HS3ST1: variants seen among roughly 807,000 people sequenced by gnomAD.
HS3ST1 encodes the protein heparan sulfate glucosamine 3-O-sulfotransferase 1.
HS3ST1 carries 8 observed loss-of-function variants against 20.7 expected under a neutral mutation model. The ratio of observed to expected loss-of-function variants is 0.39; its 90% CI spans 0.23 to 0.70. The LOEUF is 0.70. Among genes scored for constraint, HS3ST1 ranks in the 30% least tolerant of loss-of-function variants. The pLI is 0.46. For missense variants in HS3ST1, 436 were observed against 423.4 expected, an observed-to-expected ratio of 1.03 and a Z score of -0.26; for synonymous variants, 205 against 190.4, an observed-to-expected ratio of 1.08 and a Z score of -0.63.
Position 11,424,292 on chromosome 4 carries a change from T to G in HS3ST1, c.-109+4407A>C, listed in dbSNP as rs142941761. Among the ~76,000 whole-genome samples the G allele has an allele frequency of 1.8e-3, 281 of 152,320 alleles. 3 individuals are homozygous for G. The highest frequency in any genetic ancestry group is 6.4e-3 in the African/African-American group (267 of 41,558). On this transcript the variant is annotated intron_variant, in intron 1 of 1. Transcript: ENST00000002596. ...CCACTGGGATCTATTTCTGTTATGT[T>G]TAGAGTATTGCTTGGAAGAATAATG...
intron 1 of HS3ST1, among the ~76,000 whole-genome samples, chr4:11,401,523 T>C (rs934914448): frequency 8.5e-5 from 13 of 152,264 alleles, no homozygotes; most frequent in Admixed American, 7.8e-4. Flanking sequence ...TTTGTATTTT[T>C]AATAGAGATG....
intron 1 of HS3ST1, among the ~76,000 whole-genome samples, chr4:11,404,863 G>T (rs552986311): frequency 2.6e-5 from 4 of 152,252 alleles, no homozygotes; most frequent in African/African-American, 7.2e-5. Flanking sequence ...TTCCACACAG[G>T]GCTTGCTGTA....
At chr4:11,424,743 A>G (rs917412854) in intron 1 of HS3ST1, among the ~76,000 whole-genome samples, 3 of 152,008 alleles carry the variant, frequency 2.0e-5, no homozygotes, top group Admixed American at 6.6e-5. Context: ...AAACACTCCA[A>G]TGTCCCTGTG....
rs559925499 is a variant in HS3ST1 at position 11,394,040 on chromosome 4, G to C, written c.*5042C>G. ...GGAAAAAAGGCAGCGCATTTCTGCC[G>C]ACTGGTTCAAAACCAGTTTTGGTCT... On this transcript the variant is annotated 3_prime_UTR_variant, in exon 2 of 2. Coordinates refer to ENST00000002596, the MANE Select transcript of HS3ST1 (RefSeq NM_005114.4). 2 of 152,302 alleles carry C rather than the reference G, an allele frequency of 1.3e-5. No individual in the cohort carries two copies. The highest frequency in any genetic ancestry group is 2.1e-4 in the South Asian group (1 of 4,826). The allele number at this position is 152,302 out of a possible 1,614,324, so 9.4% of individuals were successfully genotyped here.
At chr4:11,426,369 C>CG (rs1008624053) in intron 1 of HS3ST1, among the ~76,000 whole-genome samples, 40 of 151,562 alleles carry the variant, frequency 2.6e-4, no homozygotes, top group African/African-American at 9.0e-4. Context: ...AGAGGCCCCC[C>CG]CCCCAACCCT....
chr4:11,427,673 C>T (rs1719095647), intron 1 of HS3ST1, among the ~76,000 whole-genome samples: 1 of 152,206 alleles, frequency 6.6e-6, no homozygotes, highest in African/African-American at 2.4e-5. Flanking sequence ...CCCAAGAGAG[C>T]GCCCTGAGTG....
At chr4:11,420,536 G>A (rs547534577) in intron 1 of HS3ST1, among the ~76,000 whole-genome samples, 2 of 152,304 alleles carry the variant, frequency 1.3e-5, no homozygotes, top group South Asian at 4.1e-4. Context: ...CAGCCCTACA[G>A]TAACGAGCTT....
Position 11,399,275 on chromosome 4 carries a change from G to A in HS3ST1, c.731C>T (p.Ser244Leu), listed in dbSNP as rs769665525. 2 of 1,614,154 alleles carry A rather than the reference G, an allele frequency of 1.2e-6. No individual in the cohort carries two copies. The highest frequency in any genetic ancestry group is 1.1e-5 in the South Asian group (1 of 91,080). The change falls in exon 2 of 2, where the codon TCG (serine) becomes TTG (leucine). Residue 244 changes from serine (S) to leucine (L), a missense_variant. Transcript: ENST00000002596. The surrounding 1 kb of genome is among the most constrained non-coding windows in gnomAD (Gnocchi z 5.1). The part of the protein sequence containing the change: ...FLKLSPQINA[S>L]NFYFNKTKGF... ...CTTGGTTTTGTTAAAGTAGAAGTTC[G>A]AAGCATTGATCTGCGGCGACAGCTT...
chr4:11,400,959 A>G (rs963287250), intron 1 of HS3ST1, among the ~76,000 whole-genome samples: 2 of 152,246 alleles, frequency 1.3e-5, no homozygotes, highest in African/African-American at 4.8e-5. Context: ...ACACAGAGCC[A>G]TCCCAGCTCA....
chr4:11,432,043 G>A (rs1719215620), upstream of HS3ST1, among the ~76,000 whole-genome samples: 1 of 152,168 alleles, frequency 6.6e-6, no homozygotes, highest in South Asian at 2.1e-4. Context: ...TACCCTTCCA[G>A]TAAAAACTAG....
At chr4:11,400,221 T>C (rs1445044199) in intron 1 of HS3ST1, 108 bp from the exon 2 acceptor site, 13 of 919,466 alleles carry the variant, frequency 1.4e-5, no homozygotes, top group Non-Finnish European at 1.8e-5. Context: ...TCCCCAGGAC[T>C]CTCAGTTTCT....
At chr4:11,412,638 C>T (rs2108885716) in intron 1 of HS3ST1, among the ~76,000 whole-genome samples, 1 of 152,244 alleles carries the variant, frequency 6.6e-6, no homozygotes, top group East Asian at 1.9e-4. Flanking sequence ...TGGATAGGGT[C>T]TCTCAAACTG....
rs562117279 is a variant in HS3ST1 at position 11,411,836 on chromosome 4, G to A, written c.-108-11723C>T. Among the ~76,000 whole-genome samples, 157 of 152,282 alleles carry A rather than the reference G, an allele frequency of 1.0e-3. 1 individual carries two copies. Among genetic ancestry groups the A allele is most frequent in the Middle Eastern group, 3.4e-3 (1 of 294 alleles). ...AGATGAATTACAGGAGCTCGGAGTC[G>A]GGAGGCTGGTGATTAAGGGCCTGGG... On this transcript the variant is annotated intron_variant, in intron 1 of 1. Transcript: ENST00000002596.
In HS3ST1 at chr4:11,394,843, C is replaced by T. The variant is rs1189528737; in HGVS notation, c.*4239G>A. On this transcript the variant is annotated 3_prime_UTR_variant, in exon 2 of 2. Coordinates refer to ENST00000002596, the MANE Select transcript of HS3ST1 (RefSeq NM_005114.4). ...AAATTAGTAGCCCATTTTCTACTTC[C>T]TAGGGTTGTTATATAGGTTAGAAGC... 1 of 152,052 alleles carries T rather than the reference C, an allele frequency of 6.6e-6. No homozygotes were observed. The highest frequency in any genetic ancestry group is 1.5e-5 in the Non-Finnish European group (1 of 67,964). 9.4% of individuals were successfully genotyped at this position (152,052 alleles called of 1,614,324 possible).
rs148054854 is a variant in HS3ST1 at position 11,416,335 on chromosome 4, T to C, written c.-109+12364A>G. Among the ~76,000 whole-genome samples the C allele has an allele frequency of 1.2e-3, 179 of 152,252 alleles. 1 individual carries two copies. Among genetic ancestry groups the C allele is most frequent in the Middle Eastern group, 0.01 (3 of 294 alleles). On this transcript the variant is annotated intron_variant, in intron 1 of 1. Coordinates refer to ENST00000002596, the MANE Select transcript of HS3ST1 (RefSeq NM_005114.4). Reference sequence around the variant, plus strand: ...TCACTCAGGGATCAAGGACTTATACTCTGGACTAGGCACGAGAGGTGTGAA... The same window carrying C: ...TCACTCAGGGATCAAGGACTTATACCCTGGACTAGGCACGAGAGGTGTGAA...
At chr4:11,426,501 AG>A (rs1052007036) in intron 1 of HS3ST1, among the ~76,000 whole-genome samples, 2 of 152,210 alleles carry the variant, frequency 1.3e-5, no homozygotes, top group Non-Finnish European at 2.9e-5. Flanking sequence ...AGGAAAGTAA[AG>A]AACCCTTTGC....
At chr4:11,421,869 G>A (rs1718947126) in intron 1 of HS3ST1, among the ~76,000 whole-genome samples, 1 of 152,144 alleles carries the variant, frequency 6.6e-6, no homozygotes. Context: ...CCTTTACTCT[G>A]GGCATCTCTA....
chr4:11,426,199 C>A lies in HS3ST1; in HGVS notation c.-109+2500G>T, dbSNP rs117468088. On this transcript the variant is annotated intron_variant, in intron 1 of 1. Transcript: ENST00000002596. ...ATAGACAGACATGATTTAGCAACCA[C>A]GGTGGGGATATGCCATTGTGGGTAG... 4.6e-5 allele frequency among the ~76,000 whole-genome samples: 7 copies of A among 152,242 alleles called. No homozygotes were observed. In the East Asian group the frequency reaches 1.4e-3, roughly 29 times the overall value.
Position 11,401,574 on chromosome 4 carries a change from C to T in HS3ST1, c.-108-1461G>A, listed in dbSNP as rs1718327049. On this transcript the variant is annotated intron_variant, in intron 1 of 1. Coordinates refer to ENST00000002596, the MANE Select transcript of HS3ST1 (RefSeq NM_005114.4). ...GGTCAGGCTGGTCTCGAAATCCCAC[C>T]CTCAGGTGATCTGCCTGCCTCGGCC... Among the ~76,000 whole-genome samples, 9 of 152,184 alleles carry T rather than the reference C, an allele frequency of 5.9e-5. No individual in the cohort carries two copies. In the South Asian group the frequency reaches 1.9e-3, roughly 32 times the overall value.
Sources: allele counts gnomAD v4.1 joint callset (sites outside exome capture counted in the v4.1 genomes callset), GRCh38; gene constraint gnomAD v4.1.1; non-coding constraint Gnocchi (gnomAD v3.1); transcripts MANE v1.5; gene names NCBI Gene and HGNC (gene_info 2026-07-23, HGNC 2026-07-21).